The following AKT2 variants were observed in gnomAD, a reference collection of about 807,000 sequenced individuals.
AKT2 encodes the protein AKT serine/threonine kinase 2, also known as RAC-beta serine/threonine-protein kinase.
A neutral mutation model predicts 58.6 loss-of-function variants in AKT2; 16 were observed. That is an observed-to-expected ratio of 0.27 (90% CI 0.18 to 0.41). The LOEUF is 0.41. AKT2 is among the 10% of genes least tolerant of loss of function. AKT2 has a pLI of 1.00. For missense variants in AKT2, 438 were observed against 661.0 expected (o/e 0.66, Z 3.70); for synonymous variants, 253 against 254.0 (o/e 1.00, Z 0.04).
At chr19:40,282,121 G>C (rs921284786) in intron 1 of AKT2, 1 of 200,484 alleles carries the variant, frequency 5.0e-6, no homozygotes, top group Non-Finnish European at 1.0e-5. Context: ...CTGGGGAGCT[G>C]GATCCCGGAA....
At chr19:40,271,677 A>G (rs1568568322) in intron 1 of AKT2, among the ~76,000 whole-genome samples, 1 of 152,212 alleles carries the variant, frequency 6.6e-6, no homozygotes, top group East Asian at 1.9e-4. Context: ...AGAAAATGCT[A>G]GTGCCAGGGC....
At chr19:40,275,510 A>C (rs1229452138) in intron 1 of AKT2, 3 of 364,128 alleles carry the variant, frequency 8.2e-6, no homozygotes, top group African/African-American at 4.3e-5. Context: ...GGGAAAACTG[A>C]GGCCCAGGGA....
intron 1 of AKT2, chr19:40,265,634 CCA>C (rs1035780135): frequency 3.2e-5 from 13 of 401,582 alleles, no homozygotes; most frequent in African/African-American, 2.4e-4. Flanking sequence ...GCCCCTCCAC[CCA>C]CAGTCACTCC....
chr19:40,235,045 A>G lies in AKT2; in HGVS notation c.1366T>C (p.Tyr456His). ...CAGCGCGGGGGCCCCAGGCACTCAC[A>G]GCGGTCAGGGGGTGTGATTGTGATG... ...QSITITPPDR[Y>H]DSLGLLELDQ... Residue 456 changes from tyrosine to histidine, a missense_variant and splice_region_variant, in exon 13 of 14, where the codon TAT (tyrosine) becomes CAT (histidine). Tyr to His is a moderately conservative substitution (Grantham distance 83). Coordinates refer to ENST00000392038, the MANE Select transcript of AKT2 (RefSeq NM_001626.6). The surrounding 1 kb of genome is among the most constrained non-coding windows in gnomAD (Gnocchi z 6.3). The G allele has an allele frequency of 6.2e-7, 1 of 1,613,986 alleles. No homozygotes were observed. Among genetic ancestry groups the G allele is most frequent in the Non-Finnish European group, 8.5e-7 (1 of 1,179,834 alleles).
rs778283206 is a variant in AKT2, at chr19:40,233,850, G to A, written c.*22C>T. ...CCAGCGGTGATGGCAGCGAGCGTGC[G>A]TCCTCTGCGTGGGCAGACTGCTCAC... On this transcript the variant is annotated 3_prime_UTR_variant, in exon 14 of 14. Coordinates refer to ENST00000392038, the MANE Select transcript of AKT2 (RefSeq NM_001626.6). This position sits in a 1 kb window ranked among gnomAD's most constrained non-coding sequence, Gnocchi z 4.3. 1.9e-5 allele frequency: 31 copies of A among 1,607,838 alleles called. No homozygotes were observed. Among genetic ancestry groups the A allele is most frequent in the Admixed American group, 6.7e-5 (4 of 59,970 alleles).
rs1276227667 is a variant in AKT2, at chr19:40,242,188, G to C, written c.442-119C>G. The C allele has an allele frequency of 6.9e-7, 1 of 1,443,284 alleles. No individual in the cohort carries two copies. The highest frequency in any genetic ancestry group is 9.5e-7 in the Non-Finnish European group (1 of 1,048,736). The allele number at this position is 1,443,284 out of a possible 1,614,324, so 89.4% of individuals were successfully genotyped here. ...CTGTTGCCAAACGGCTTAGGCTGGA[G>C]CAGGAAGGGAGGCTCTGGGCAGCAA... On this transcript the variant is annotated intron_variant, in intron 5 of 13. Transcript: ENST00000392038. This position sits in a 1 kb window ranked among gnomAD's most constrained non-coding sequence, Gnocchi z 4.3.
chr19:40,236,198 T>C lies in AKT2; in HGVS notation c.960+59A>G, dbSNP rs2304188. 0.16 allele frequency: 257,953 copies of C among 1,612,974 alleles called. 22,614 individuals are homozygous for C. The highest frequency in any genetic ancestry group is 0.34 in the African/African-American group (25,368 of 74,872). Reference sequence around the variant, plus strand: ...GGCATCTGGGCTGGAAACACACAGGTCTGGGGGATCCCCCTACCCTTGGCC... The same window carrying C: ...GGCATCTGGGCTGGAAACACACAGGCCTGGGGGATCCCCCTACCCTTGGCC... On this transcript the variant is annotated intron_variant, in intron 10 of 13. Transcript: ENST00000392038.
intron 4 of AKT2, among the ~76,000 whole-genome samples, chr19:40,252,226 A>AG (rs937725445): frequency 6.6e-6 from 1 of 152,110 alleles, no homozygotes; most frequent in Non-Finnish European, 1.5e-5. Flanking sequence ...AGCAGAGTGG[A>AG]GGGGGCCTCC....
At chr19:40,275,045 T>A (rs767523806) in intron 1 of AKT2, 3 of 456,374 alleles carry the variant, frequency 6.6e-6, no homozygotes, top group African/African-American at 6.0e-5. Context: ...TTGAGAACCA[T>A]GAGGACCTGC....
chr19:40,265,350 G>T lies in AKT2; in HGVS notation c.-83C>A. On this transcript the variant is annotated splice_region_variant and 5_prime_UTR_variant, in exon 2 of 14. In the 5' UTR this introduces an upstream ATG that the reference lacks. Transcript: ENST00000392038. The stretch of plus-strand genomic sequence containing the variant: ...CAGGAGGCACCGTGGACAGGGCACA[G>T]TCTGCAAGACAAGAGAGGAGCTGGT... The T allele has an allele frequency of 6.4e-7, 1 of 1,570,780 alleles. No homozygotes were observed.
At chr19:40,258,426 C>T (rs117872562) in intron 2 of AKT2, among the ~76,000 whole-genome samples, 3,588 of 151,714 alleles carry the variant, frequency 0.024, 65 homozygotes, top group Non-Finnish European at 0.032. Flanking sequence ...AATCCTAGCA[C>T]TTTGGGAGGC....
In AKT2 at chr19:40,242,672, C is replaced by A; in HGVS notation, c.303G>T (p.Arg101=). ...GGCTGTTGGCGACCATCTGGATGGC[C>A]CGCATCCACTCCTCCCTGTGCAGGG... ...DSPDEREEWM[R]AIQMVANSLK... Residue 101 remains arginine (R), a synonymous_variant, in exon 5 of 14, where the codon CGG becomes CGT. Transcript: ENST00000392038. This position sits in a 1 kb window ranked among gnomAD's most constrained non-coding sequence, Gnocchi z 4.3. The A allele has an allele frequency of 6.2e-7, 1 of 1,611,702 alleles. No homozygotes were observed. The highest frequency in any genetic ancestry group is 8.5e-7 in the Non-Finnish European group (1 of 1,180,010).
intron 4 of AKT2, among the ~76,000 whole-genome samples, chr19:40,252,442 C>T (rs528732615): frequency 3.9e-5 from 6 of 152,322 alleles, no homozygotes; most frequent in African/African-American, 1.4e-4. Context: ...ACGAGACCAT[C>T]TCTCCTGCCT....
Position 40,233,887 on chromosome 19 carries a change from G to A in AKT2, c.1431C>T (p.Ala477=), listed in dbSNP as rs533635471. 8.1e-6 allele frequency: 13 copies of A among 1,611,842 alleles called. No individual in the cohort carries two copies. The South Asian group carries it at 8.8e-5, about 11-fold the overall frequency. ...GGCAGACTGCTCACTCGCGGATGCT[G>A]GCCGAGTAGGAGAACTGGGGGAAGT... ...RTHFPQFSYS[A]SIRE The change falls in exon 14 of 14, where the codon GCC becomes GCT. Residue 477 remains alanine, a synonymous_variant. Coordinates refer to ENST00000392038, the MANE Select transcript of AKT2 (RefSeq NM_001626.6). The surrounding 1 kb of genome is among the most constrained non-coding windows in gnomAD (Gnocchi z 4.3).
rs1302715414 is a variant in AKT2, at chr19:40,255,247, C to T, written c.198G>A (p.Glu66=). 1 of 1,613,938 alleles carries T rather than the reference C, an allele frequency of 6.2e-7. No individual in the cohort carries two copies. Among genetic ancestry groups the T allele is most frequent in the African/African-American group, 1.3e-5 (1 of 74,934 alleles). Residue 66 remains glutamate, a synonymous_variant, in exon 4 of 14, where the codon GAG becomes GAA. Coordinates refer to ENST00000392038, the MANE Select transcript of AKT2 (RefSeq NM_001626.6). ...SVAECQLMKT[E]RPRPNTFVIR... is the part of the protein sequence containing the mutation. The stretch of plus-strand genomic sequence containing the variant: ...TGACAAAGGTGTTGGGTCGCGGCCT[C>T]TCGGTCTTCATCAGCTGGCATTCTG...
At position 40,235,758 on chromosome 19, in the gene AKT2, T is replaced by C; in HGVS notation, c.1175+132A>G. ...CTCCCTAAGTGCCACTGTGGACGTT[T>C]TCAGGGGCTGTGTGGGGACGACACA... On this transcript the variant is annotated intron_variant, in intron 11 of 13. Coordinates refer to ENST00000392038, the MANE Select transcript of AKT2 (RefSeq NM_001626.6). The surrounding 1 kb of genome is among the most constrained non-coding windows in gnomAD (Gnocchi z 6.3). 1 of 963,420 alleles carries C rather than the reference T, an allele frequency of 1.0e-6. No homozygotes were observed. Among genetic ancestry groups the C allele is most frequent in the Non-Finnish European group, 1.5e-6 (1 of 662,484 alleles). 59.7% of individuals were successfully genotyped at this position (963,420 alleles called of 1,614,324 possible). A position where few individuals can be genotyped will look rare whatever the true frequency, so the allele number is the denominator to read the frequency against.
At chr19:40,277,910 G>A (rs1250686194) in intron 1 of AKT2, among the ~76,000 whole-genome samples, 2 of 152,242 alleles carry the variant, frequency 1.3e-5, no homozygotes, top group African/African-American at 2.4e-5. Context: ...ACAGCCAAAG[G>A]CTGGCTCCTG....
chr19:40,282,469 G>T, intron 1 of AKT2: 1 of 500,180 alleles, frequency 2.0e-6, no homozygotes. Flanking sequence ...AGGATGCCTT[G>T]CCTCCACTCT....
chr19:40,236,104 C>T lies in AKT2; in HGVS notation c.961G>A (p.Val321Met). The change falls in exon 11 of 14, where the codon GTG becomes ATG. Residue 321 changes from valine to methionine, a missense_variant and splice_region_variant. This residue lies in a region of AKT2 where 46 missense variants were observed against 114.5 expected (regional missense o/e 0.40). Transcript: ENST00000392038. Reference protein sequence around the residue: ...CGTPEYLAPEVLEDNDYGRAV... With the variant: ...CGTPEYLAPEMLEDNDYGRAV... ...CGGCCATAGTCATTGTCCTCCAGCA[C>T]CTGAGGATGGAGGAGAAATGAGGGC... The T allele has an allele frequency of 1.9e-6, 3 of 1,614,074 alleles. No individual in the cohort carries two copies. The highest frequency in any genetic ancestry group is 2.5e-6 in the Non-Finnish European group (3 of 1,180,024).
Sources: allele counts gnomAD v4.1 joint callset (sites outside exome capture counted in the v4.1 genomes callset), GRCh38; gene constraint gnomAD v4.1.1; regional missense constraint gnomAD v4.1.1; non-coding constraint Gnocchi (gnomAD v3.1); transcripts MANE v1.5; gene names NCBI Gene and HGNC (gene_info 2026-07-23, HGNC 2026-07-21).